Variants in BPIFA3 observed in about 807,000 individuals in gnomAD.
BPIFA3 encodes the protein BPI fold containing family A member 3.
BPIFA3 carries 32 observed loss-of-function variants against 29.7 expected under a neutral mutation model. The observed-to-expected ratio is 1.08, with a 90% CI of 0.81 to 1.45. The LOEUF (loss-of-function observed/expected upper bound fraction) is 1.45. BPIFA3 is among the 40% of genes most tolerant of loss of function. The probability of loss-of-function intolerance (pLI) is 0.00; values close to 1 mark genes in which losing one functional copy is unlikely to be tolerated. For missense variants in BPIFA3, 323 were observed against 311.3 expected, an observed-to-expected ratio of 1.04 and a Z score of -0.28; for synonymous variants, 112 against 113.7, an observed-to-expected ratio of 0.98 and a Z score of 0.10.
chr20:33,222,154 GACA>G (rs1209124975), intron 1 of BPIFA3, among the ~76,000 whole-genome samples: 5 of 152,234 alleles, frequency 3.3e-5, no homozygotes, highest in African/African-American at 1.2e-4. Context: ...TCAGAGATAG[GACA>G]AGCTCCAGGT....
At chr20:33,219,063 G>A (rs1985393650) in intron 1 of BPIFA3, among the ~76,000 whole-genome samples, 1 of 152,052 alleles carries the variant, frequency 6.6e-6, no homozygotes, top group African/African-American at 2.4e-5. Context: ...ATGCCACCAT[G>A]CCCGGCTAAT....
At chr20:33,226,839 A>G (rs377261494) in intron 5 of BPIFA3, 91 bp from the exon 6 acceptor site, 136 of 1,527,752 alleles carry the variant, frequency 8.9e-5, no homozygotes, top group Middle Eastern at 8.5e-4. Flanking sequence ...ACTGGAAAAA[A>G]TCCCATGGAG....
chr20:33,224,153 A>C (rs1346109755), intron 2 of BPIFA3, among the ~76,000 whole-genome samples, 192 bp downstream of exon 2: 7 of 152,220 alleles, frequency 4.6e-5, no homozygotes, highest in Non-Finnish European at 1.0e-4. Context: ...ACTGTGTGGC[A>C]CTGTTAGGGC....
chr20:33,220,791 A>C lies in BPIFA3; in HGVS notation c.128-3020A>C, dbSNP rs140390390. On this transcript the variant is annotated intron_variant, in intron 1 of 6. Coordinates refer to ENST00000375454, the MANE Select transcript of BPIFA3 (RefSeq NM_178466.5). ...GGGGATTATATTGTCCATAAGTAGTAATAGCTTTATCTTTTCTCTTCTAAG... is the reference window on the plus strand; with the variant it reads ...GGGGATTATATTGTCCATAAGTAGTCATAGCTTTATCTTTTCTCTTCTAAG... Among the ~76,000 whole-genome samples, 17 of 152,272 alleles carry C rather than the reference A, an allele frequency of 1.1e-4. No homozygotes were observed. In the East Asian group the frequency reaches 3.3e-3, roughly 29 times the overall value.
In BPIFA3 at chr20:33,227,788, T is replaced by C. The variant is rs1478120164; in HGVS notation, c.*171T>C. 3.4e-6 allele frequency: 2 copies of C among 587,098 alleles called. No homozygotes were observed. Among genetic ancestry groups the C allele is most frequent in the African/African-American group, 3.7e-5 (2 of 53,494 alleles). The allele number at this position is 587,098 out of a possible 1,614,324, so 36.4% of individuals were successfully genotyped here. A position where few individuals can be genotyped will look rare whatever the true frequency, so the allele number is the denominator to read the frequency against. ...GGTCCCTCCCACCTGGGCCCTGGGG[T>C]TTAGGTCTAGAAGTCAGACCTGATG... is the stretch of plus-strand genomic sequence containing the variant. On this transcript the variant is annotated 3_prime_UTR_variant, in exon 7 of 7. Transcript: ENST00000375454.
Position 33,226,932 on chromosome 20 carries a change from A to G in BPIFA3, c.624A>G (p.Val208=). The G allele has an allele frequency of 6.2e-6, 10 of 1,614,118 alleles. No homozygotes were observed. Among genetic ancestry groups the G allele is most frequent in the Non-Finnish European group, 8.5e-6 (10 of 1,179,996 alleles). ...TTCTCTCTGTGCTGATGGTCCAGGTATGTCCTCTGATCGGTGAAATCCTCG... is the reference window on the plus strand; with the variant it reads ...TTCTCTCTGTGCTGATGGTCCAGGTGTGTCCTCTGATCGGTGAAATCCTCG... ...KVLPHMVESQ[V]CPLIGEILGQ... Residue 208 remains valine, a splice_region_variant and synonymous_variant, in exon 6 of 7, where the codon GTA becomes GTG. Transcript: ENST00000375454.
chr20:33,218,619 C>T (rs2055991723), intron 1 of BPIFA3, among the ~76,000 whole-genome samples: 1 of 152,156 alleles, frequency 6.6e-6, no homozygotes, highest in African/African-American at 2.4e-5. Flanking sequence ...ACAGCCTTTT[C>T]TCTGTGCATG....
chr20:33,221,410 G>A (rs1340329927), intron 1 of BPIFA3, among the ~76,000 whole-genome samples: 1 of 152,210 alleles, frequency 6.6e-6, no homozygotes, highest in Non-Finnish European at 1.5e-5. Flanking sequence ...GCCCGCCTTG[G>A]CCTCCCAAAG....
At chr20:33,227,417 T>C in intron 6 of BPIFA3, 121 bp from the exon 7 acceptor site, 1 of 752,726 alleles carries the variant, frequency 1.3e-6, no homozygotes, top group Non-Finnish European at 2.3e-6. Context: ...TTGGGGAGGG[T>C]TTTCACGTGA....
chr20:33,225,383 A>C, intron 4 of BPIFA3, 136 bp downstream of exon 4: 1 of 1,273,214 alleles, frequency 7.9e-7, no homozygotes, highest in Non-Finnish European at 1.1e-6. Flanking sequence ...TCCTCCTCCC[A>C]TGTTCCCATC....
chr20:33,225,032 C>G, intron 3 of BPIFA3, 66 bp from the exon 4 acceptor site: 1 of 1,494,614 alleles, frequency 6.7e-7, no homozygotes. Context: ...TTTGCCAATA[C>G]GGAGATTTCT....
chr20:33,225,426 A>C, intron 4 of BPIFA3, 179 bp downstream of exon 4: 2 of 781,690 alleles, frequency 2.6e-6, no homozygotes, highest in East Asian at 2.8e-5. Flanking sequence ...CAGAAGCCAG[A>C]CTCTTCTCCC....
chr20:33,222,605 T>TG (rs1985573865), intron 1 of BPIFA3, among the ~76,000 whole-genome samples: 2 of 127,918 alleles, frequency 1.6e-5, no homozygotes, highest in African/African-American at 4.5e-5. Flanking sequence ...GATGGATGGA[T>TG]GAGTGGATGG....
Position 33,226,940 on chromosome 20 carries a change from T to C in BPIFA3, c.632T>C (p.Leu211Pro). The C allele has an allele frequency of 6.2e-7, 1 of 1,614,180 alleles. No homozygotes were observed. The highest frequency in any genetic ancestry group is 8.5e-7 in the Non-Finnish European group (1 of 1,180,006). ...PHMVESQVCP[L>P]IGEILGQLDV... ...GTGCTGATGGTCCAGGTATGTCCTC[T>C]GATCGGTGAAATCCTCGGGCAGCTG... The change falls in exon 6 of 7, where the codon CTG becomes CCG. Residue 211 changes from leucine to proline, a missense_variant. Leu to Pro is a moderately conservative substitution (Grantham distance 98). Transcript: ENST00000375454.
Position 33,224,399 on chromosome 20 carries a change from TATC to T in BPIFA3, c.326_328del (p.Ser109del). ...CAGCTGGACTGTGGTGGGATCCAGA[TATC>T]ATTCCATAAGGAGTGGTTCTCGGCA... On this transcript the variant is annotated inframe_deletion, in exon 3 of 7. Transcript: ENST00000375454. 1 of 1,614,214 alleles carries T rather than the reference TATC, an allele frequency of 6.2e-7. No homozygotes were observed. The highest frequency in any genetic ancestry group is 1.1e-5 in the South Asian group (1 of 91,086).
chr20:33,227,651 C>T lies in BPIFA3; in HGVS notation c.*34C>T. 1 of 1,574,330 alleles carries T rather than the reference C, an allele frequency of 6.4e-7. No individual in the cohort carries two copies. Among genetic ancestry groups the T allele is most frequent in the Non-Finnish European group, 8.7e-7 (1 of 1,144,126 alleles). ...GATCAGAAGGAAAGTCCACATCTTG[C>T]AACCTTAAGTCTCCCTTAGAGTGGG... is the stretch of plus-strand genomic sequence containing the variant. On this transcript the variant is annotated 3_prime_UTR_variant, in exon 7 of 7. Transcript: ENST00000375454.
rs1250379215 is a variant in BPIFA3, at chr20:33,217,683, C to T, written c.127+20C>T. The T allele has an allele frequency of 6.2e-7, 1 of 1,607,818 alleles. No individual in the cohort carries two copies. Among genetic ancestry groups the T allele is most frequent in the Non-Finnish European group, 8.5e-7 (1 of 1,177,272 alleles). On this transcript the variant is annotated intron_variant, in intron 1 of 6. Coordinates refer to ENST00000375454, the MANE Select transcript of BPIFA3 (RefSeq NM_178466.5). ...CAAGAAGTAAGCTAAGCCCCGGGCTCTGCCTGCTGCCTACGGGGCTGGGGA... is the reference window on the plus strand; with the variant it reads ...CAAGAAGTAAGCTAAGCCCCGGGCTTTGCCTGCTGCCTACGGGGCTGGGGA...
In BPIFA3 at chr20:33,226,832, G is replaced by A. The variant is rs3746391; in HGVS notation, c.622-98G>A. On this transcript the variant is annotated intron_variant, in intron 5 of 6. Transcript: ENST00000375454. Reference sequence around the variant, plus strand: ...AGCTGCTCTGGCCACGATTCCTACTGGAAAAAATCCCATGGAGTTGAAGTT... The same window carrying A: ...AGCTGCTCTGGCCACGATTCCTACTAGAAAAAATCCCATGGAGTTGAAGTT... The A allele has an allele frequency of 5.5e-3, 8,148 of 1,490,812 alleles. 216 individuals are homozygous for A. The East Asian group carries it at 0.081, about 15-fold the overall frequency. The allele number at this position is 1,490,812 out of a possible 1,614,324, so 92.3% of individuals were successfully genotyped here.
chr20:33,219,348 A>G (rs948779617), intron 1 of BPIFA3, among the ~76,000 whole-genome samples: 1 of 152,100 alleles, frequency 6.6e-6, no homozygotes, highest in African/African-American at 2.4e-5. Context: ...TGCATTGTGA[A>G]TATTTCTCCC....
Sources: allele counts gnomAD v4.1 joint callset (sites outside exome capture counted in the v4.1 genomes callset), GRCh38; gene constraint gnomAD v4.1.1; transcripts MANE v1.5; gene names NCBI Gene and HGNC (gene_info 2026-07-23, HGNC 2026-07-21).